CARF: variants seen among roughly 807,000 people sequenced by gnomAD.
CARF encodes calcium-responsive transcription factor.
CARF carries 57 observed loss-of-function variants against 82.0 expected under a neutral mutation model. That is an observed-to-expected ratio of 0.70 (90% CI 0.56 to 0.87). The LOEUF (loss-of-function observed/expected upper bound fraction) is 0.87. Ranked by LOEUF, CARF falls within the 40% of genes least tolerant of loss-of-function variation. The pLI is 0.00. For missense variants in CARF, 771 were observed against 855.8 expected, an observed-to-expected ratio of 0.90 and a Z score of 1.24; for synonymous variants, 268 against 290.1, an observed-to-expected ratio of 0.92 and a Z score of 0.77.
rs1319299692 is a variant in CARF at position 202,912,650 on chromosome 2, G to T, written c.-782G>T. 2 of 151,774 alleles carry T rather than the reference G, an allele frequency of 1.3e-5. No homozygotes were observed. The highest frequency in any genetic ancestry group is 4.8e-5 in the African/African-American group (2 of 41,356). The allele number at this position is 151,774 out of a possible 1,614,324, so 9.4% of individuals were successfully genotyped here. A position where few individuals can be genotyped will look rare whatever the true frequency, so the allele number is the denominator to read the frequency against. On this transcript the variant is annotated 5_prime_UTR_variant, in exon 1 of 17. Transcript: ENST00000438828. ...GCTTCCGACCCCCGGCCCGGGACGG[G>T]GCTCGCAGGCCCCAGAGGGGCAGGC... is the stretch of plus-strand genomic sequence containing the variant.
intron 11 of CARF, 139 bp downstream of exon 11, chr2:202,970,201 A>G (rs2059731165): frequency 1.3e-6 from 1 of 773,672 alleles, no homozygotes; most frequent in South Asian, 2.1e-5. Flanking sequence ...ATAGTTCCCT[A>G]GGTATTAAAT....
chr2:202,959,229 AT>A (rs1298047606), intron 8 of CARF, among the ~76,000 whole-genome samples: 2 of 92,796 alleles, frequency 2.2e-5, no homozygotes, highest in Non-Finnish European at 2.8e-5. Flanking sequence ...TGTGGTGAAT[AT>A]TTTGATAGAG....
chr2:202,981,758 G>T, intron 15 of CARF, 73 bp downstream of exon 15: 1 of 1,285,710 alleles, frequency 7.8e-7, no homozygotes, highest in Non-Finnish European at 1.1e-6. Context: ...CTTCTCCTAG[G>T]GATTTTAGAG....
At chr2:202,942,209 A>C (rs2058261631) in intron 4 of CARF, among the ~76,000 whole-genome samples, 1 of 151,634 alleles carries the variant, frequency 6.6e-6, no homozygotes, top group African/African-American at 2.4e-5. Flanking sequence ...CCCTGTCTCT[A>C]CTAAAAATAC....
Position 202,981,564 on chromosome 2 carries a change from C to G in CARF, c.1568C>G (p.Pro523Arg), listed in dbSNP as rs1435666907. The G allele has an allele frequency of 6.3e-7, 1 of 1,592,388 alleles. No homozygotes were observed. The highest frequency in any genetic ancestry group is 1.7e-5 in the Admixed American group (1 of 57,708). Residue 523 changes from proline to arginine, a missense_variant, in exon 15 of 17, where the codon CCA becomes CGA. Transcript: ENST00000438828. ...CTTTAATATAATTTAGGAAATTCAC[C>G]AGGAGAATCAATTACCACCAAAGTG... is the stretch of plus-strand genomic sequence containing the variant. ...MTVTFAEGNS[P>R]GESITTKVET...
chr2:202,925,667 TA>T, intron 3 of CARF: 1 of 208,186 alleles, frequency 4.8e-6, no homozygotes, highest in South Asian at 6.4e-5. Context: ...AGATGCTGAG[TA>T]GCAGGGGGAG....
intron 3 of CARF, among the ~76,000 whole-genome samples, chr2:202,931,610 A>T (rs1372730065): frequency 6.6e-6 from 1 of 152,172 alleles, no homozygotes; most frequent in East Asian, 1.9e-4. Context: ...TTTGTAGAGA[A>T]AGACACTCAC....
chr2:202,938,920 TCTG>T (rs2058083978), intron 3 of CARF, among the ~76,000 whole-genome samples: 1 of 152,110 alleles, frequency 6.6e-6, no homozygotes, highest in Admixed American at 6.6e-5. Flanking sequence ...TCCTATGACT[TCTG>T]CTACCATGTT....
chr2:202,984,697 TATATTA>T lies in CARF; in HGVS notation c.*1075_*1080del, dbSNP rs1391118829. On this transcript the variant is annotated 3_prime_UTR_variant, in exon 17 of 17. Transcript: ENST00000438828. The stretch of plus-strand genomic sequence containing the variant: ...ATCTGGGATTTTTTTGTTAAGTAAG[TATATTA>T]ACTTCAAATACCAAATTACTACTAA... The T allele has an allele frequency of 6.6e-6, 1 of 152,188 alleles. No homozygotes were observed. The highest frequency in any genetic ancestry group is 2.4e-5 in the African/African-American group (1 of 41,428). The allele number at this position is 152,188 out of a possible 1,614,324, so 9.4% of individuals were successfully genotyped here.
In CARF at chr2:202,953,971, T is replaced by C. The variant is rs16839377; in HGVS notation, c.428-34T>C. On this transcript the variant is annotated intron_variant, in intron 6 of 16. Coordinates refer to ENST00000438828, the MANE Select transcript of CARF (RefSeq NM_024744.17). ...TATTCTTATGGTCTTATTCAAGATA[T>C]TGATGTTACTTTGTTCTTGTTTTTG... 9.5e-4 allele frequency: 1,488 copies of C among 1,569,508 alleles called. 13 individuals carry two copies. In the African/African-American group the frequency reaches 0.018, roughly 19 times the overall value.
At chr2:202,954,247 T>A in intron 7 of CARF, 113 bp downstream of exon 7, 5 of 1,104,190 alleles carry the variant, frequency 4.5e-6, no homozygotes, top group Non-Finnish European at 6.3e-6. Context: ...TAGAAGGAAC[T>A]ATCATTGAAT....
At chr2:202,923,527 A>T (rs1691232109) in intron 2 of CARF, among the ~76,000 whole-genome samples, 1 of 152,252 alleles carries the variant, frequency 6.6e-6, no homozygotes, top group Admixed American at 6.5e-5. Flanking sequence ...TAGAATCAGT[A>T]CTGTGAAAAT....
At chr2:202,972,565 T>C (rs1017370881) in intron 12 of CARF, among the ~76,000 whole-genome samples, 6 of 151,630 alleles carry the variant, frequency 4.0e-5, no homozygotes, top group African/African-American at 1.5e-4. Context: ...TAGTCCCAGC[T>C]TCTCGGGAGG....
intron 5 of CARF, among the ~76,000 whole-genome samples, chr2:202,945,024 G>A (rs1051477358): frequency 6.6e-6 from 1 of 152,098 alleles, no homozygotes; most frequent in African/African-American, 2.4e-5. Context: ...AGGAAACATG[G>A]TATGAAGCAT....
At chr2:202,967,158 C>T (rs1337305358) in intron 10 of CARF, 60 bp downstream of exon 10, 5 of 1,546,720 alleles carry the variant, frequency 3.2e-6, no homozygotes, top group Non-Finnish European at 4.4e-6. Flanking sequence ...ATAGCTAATA[C>T]ACATATTTTT....
rs1034521985 is a variant in CARF, at chr2:202,984,977, A to C, written c.*1353A>C. 1 of 151,878 alleles carries C rather than the reference A, an allele frequency of 6.6e-6. No individual in the cohort carries two copies. The highest frequency in any genetic ancestry group is 2.4e-5 in the African/African-American group (1 of 41,300). The allele number at this position is 151,878 out of a possible 1,614,324, so 9.4% of individuals were successfully genotyped here. ...AGGCTAAGGCAGGAGAATCGCTTGAACACCGGAGGCGGAGGTTGCAATGAG... is the reference window on the plus strand; with the variant it reads ...AGGCTAAGGCAGGAGAATCGCTTGACCACCGGAGGCGGAGGTTGCAATGAG... On this transcript the variant is annotated 3_prime_UTR_variant, in exon 17 of 17. Coordinates refer to ENST00000438828, the MANE Select transcript of CARF (RefSeq NM_024744.17).
At chr2:202,921,978 A>AC (rs1343768341) in intron 2 of CARF, among the ~76,000 whole-genome samples, 2 of 149,396 alleles carry the variant, frequency 1.3e-5, no homozygotes. Flanking sequence ...ATAGGCACTC[A>AC]CCACCATGCC....
At chr2:202,965,908 C>T (rs2059529496) in intron 9 of CARF, among the ~76,000 whole-genome samples, 2 of 152,204 alleles carry the variant, frequency 1.3e-5, no homozygotes, top group Non-Finnish European at 2.9e-5. Flanking sequence ...CTCACAGTTT[C>T]TGTGAGTCAG....
chr2:202,952,404 T>A (rs1451960820), intron 5 of CARF, among the ~76,000 whole-genome samples, 155 bp from the exon 6 acceptor site: 1 of 152,132 alleles, frequency 6.6e-6, no homozygotes, highest in East Asian at 1.9e-4. Context: ...TGGAAAAAAA[T>A]GTTTATGTGC....
Sources: allele counts gnomAD v4.1 joint callset (sites outside exome capture counted in the v4.1 genomes callset), GRCh38; gene constraint gnomAD v4.1.1; transcripts MANE v1.5; gene names NCBI Gene and HGNC (gene_info 2026-07-23, HGNC 2026-07-21).